The following HECW1 variants were observed in gnomAD, a reference collection of about 807,000 sequenced individuals.
HECW1 encodes E3 ubiquitin-protein ligase HECW1.
Under a neutral mutation model 182.3 loss-of-function variants are expected in HECW1, and 61 were observed. The ratio of observed to expected loss-of-function variants is 0.33; its 90% CI spans 0.27 to 0.41. The LOEUF (loss-of-function observed/expected upper bound fraction) is 0.41, where lower values mean the gene tolerates loss of function less well. HECW1 is among the 10% of genes least tolerant of loss of function. The pLI, the probability that HECW1 is intolerant of heterozygous loss-of-function variation, is 1.00. For synonymous variants in HECW1, 859 were observed against 832.6 expected, an observed-to-expected ratio of 1.03 and a Z score of -0.55; for missense variants, 1,739 against 2,108.9, an observed-to-expected ratio of 0.82 and a Z score of 3.44.
At chr7:43,192,359 A>G (rs541317029) in intron 2 of HECW1, among the ~76,000 whole-genome samples, 4 of 152,256 alleles carry the variant, frequency 2.6e-5, no homozygotes, top group Non-Finnish European at 5.9e-5. Context: ...CCTGGCATAA[A>G]GAAAAGATAA....
chr7:43,120,909 C>T (rs888114001), intron 2 of HECW1, among the ~76,000 whole-genome samples: 1 of 152,072 alleles, frequency 6.6e-6, no homozygotes, highest in African/African-American at 2.4e-5. Flanking sequence ...GATCTGTAAT[C>T]CCAAAGTGCT....
chr7:43,320,475 G>A (rs568145262), intron 4 of HECW1, among the ~76,000 whole-genome samples, 160 bp from the exon 5 acceptor site: 6 of 152,322 alleles, frequency 3.9e-5, no homozygotes, highest in Non-Finnish European at 8.8e-5. Context: ...TCCCAATGGC[G>A]TCTTGGGGTG....
intron 17 of HECW1, among the ~76,000 whole-genome samples, chr7:43,484,980 A>G (rs751896660): frequency 6.6e-6 from 1 of 152,324 alleles, no homozygotes. Flanking sequence ...TTACACTGCA[A>G]TTCCTAATAT....
chr7:43,170,360 C>A (rs73314742), intron 2 of HECW1, among the ~76,000 whole-genome samples: 133 of 152,118 alleles, frequency 8.7e-4, no homozygotes, highest in African/African-American at 3.1e-3. Flanking sequence ...CATCCTCCCC[C>A]ACCCCTGTCT....
At position 43,450,824 on chromosome 7, in the gene HECW1, G is replaced by A. The variant is rs775738815; in HGVS notation, c.2399-4G>A. 87 of 1,580,778 alleles carry A rather than the reference G, an allele frequency of 5.5e-5. No homozygotes were observed. The highest frequency in any genetic ancestry group is 1.2e-4 in the Admixed American group (7 of 59,948). ...TCTGAATGTATTGACTATCTTGTCC[G>A]TAGGTGAATGTCCTATACTCCATAA... On this transcript the variant is annotated splice_polypyrimidine_tract_variant and splice_region_variant and intron_variant, in intron 11 of 29. Transcript: ENST00000395891.
In HECW1 at chr7:43,562,647, C is replaced by G; in HGVS notation, c.*721C>G. On this transcript the variant is annotated 3_prime_UTR_variant, in exon 30 of 30. Coordinates refer to ENST00000395891, the MANE Select transcript of HECW1 (RefSeq NM_015052.5). The stretch of plus-strand genomic sequence containing the variant: ...ATGGTTGTGGGGATTGTGGGCTCAA[C>G]TCAAGAGAAGTTTAGGAGGGGGAGC... 4.4e-6 allele frequency: 1 copy of G among 226,608 alleles called. No homozygotes were observed. Among genetic ancestry groups the G allele is most frequent in the Non-Finnish European group, 8.8e-6 (1 of 113,584 alleles). The allele number at this position is 226,608 out of a possible 1,614,324, so 14.0% of individuals were successfully genotyped here.
intron 12 of HECW1, among the ~76,000 whole-genome samples, chr7:43,455,304 A>G (rs2077365114): frequency 6.6e-6 from 1 of 152,202 alleles, no homozygotes; most frequent in Non-Finnish European, 1.5e-5. Context: ...ACTGTTAATT[A>G]ACAACTTATC....
chr7:43,202,565 C>T (rs143293831), intron 2 of HECW1, among the ~76,000 whole-genome samples: 245 of 151,830 alleles, frequency 1.6e-3, no homozygotes, highest in African/African-American at 5.6e-3. Context: ...CCACTGCCTC[C>T]CGGGTTCAAG....
chr7:43,463,905 T>C, intron 14 of HECW1, 106 bp downstream of exon 14: 2 of 1,292,006 alleles, frequency 1.5e-6, no homozygotes, highest in Non-Finnish European at 2.2e-6. Flanking sequence ...TGCCCCAGGG[T>C]GAAGAGAGTG....
chr7:43,164,123 A>T (rs1373990479), intron 2 of HECW1, among the ~76,000 whole-genome samples: 1 of 152,036 alleles, frequency 6.6e-6, no homozygotes, highest in Non-Finnish European at 1.5e-5. Context: ...ACATGGGGGA[A>T]GTCAAAGAGC....
rs748761393 is a variant in HECW1 at position 43,561,824 on chromosome 7, A to G, written c.4719A>G (p.Thr1573=). Residue 1573 remains threonine, a synonymous_variant, in exon 30 of 30, where the codon ACA becomes ACG. Coordinates refer to ENST00000395891, the MANE Select transcript of HECW1 (RefSeq NM_015052.5). The part of the protein sequence containing the change: ...GKITSLPRAH[T]CFNRLDLPPY... The stretch of plus-strand genomic sequence containing the variant: ...TCTTCTCCCCATTCAGGGCACACAC[A>G]TGCTTCAACCGACTGGATCTTCCAC... The G allele has an allele frequency of 3.7e-6, 6 of 1,611,786 alleles. No individual in the cohort carries two copies. The highest frequency in any genetic ancestry group is 5.1e-6 in the Non-Finnish European group (6 of 1,177,928).
intron 3 of HECW1, among the ~76,000 whole-genome samples, chr7:43,280,955 G>A (rs1198872299): frequency 1.3e-5 from 2 of 152,104 alleles, no homozygotes; most frequent in Non-Finnish European, 2.9e-5. Flanking sequence ...ATGCATTCCC[G>A]ACACAGTATT....
At chr7:43,132,897 C>A (rs1766775331) in intron 2 of HECW1, among the ~76,000 whole-genome samples, 1 of 151,990 alleles carries the variant, frequency 6.6e-6, no homozygotes, top group South Asian at 2.1e-4. Context: ...AAGAAGAGTT[C>A]TATTTAGTTC....
chr7:43,412,911 C>A (rs2075859094), intron 8 of HECW1, among the ~76,000 whole-genome samples: 1 of 148,178 alleles, frequency 6.7e-6, no homozygotes, highest in Non-Finnish European at 1.5e-5. Context: ...CCGCAATAAA[C>A]ATACGTGTGC....
At chr7:43,380,619 C>A (rs754823479) in intron 6 of HECW1, among the ~76,000 whole-genome samples, 2 of 152,110 alleles carry the variant, frequency 1.3e-5, no homozygotes, top group African/African-American at 2.4e-5. Flanking sequence ...CCTCCATCTC[C>A]TGGGTTCAAG....
chr7:43,543,254 C>A (rs1414989549), intron 26 of HECW1, among the ~76,000 whole-genome samples: 1 of 152,116 alleles, frequency 6.6e-6, no homozygotes, highest in Non-Finnish European at 1.5e-5. Context: ...TTTAGAGGTG[C>A]CTCACATCAA....
At position 43,565,514 on chromosome 7, in the gene HECW1, T is replaced by C. The variant is rs2152968443; in HGVS notation, c.*3588T>C. ...TATTTTCCCAGTCAAGATGAAACACTTTCAAATGAAAGTAGTTAGAACTTT... is the reference window on the plus strand; with the variant it reads ...TATTTTCCCAGTCAAGATGAAACACCTTCAAATGAAAGTAGTTAGAACTTT... On this transcript the variant is annotated 3_prime_UTR_variant, in exon 30 of 30. Transcript: ENST00000395891. 2 of 182,586 alleles carry C rather than the reference T, an allele frequency of 1.1e-5. No individual in the cohort carries two copies. The highest frequency in any genetic ancestry group is 1.2e-5 in the Non-Finnish European group (1 of 85,952). 11.3% of individuals were successfully genotyped at this position (182,586 alleles called of 1,614,324 possible).
At chr7:43,251,802 ATTAGCTGAAGCGCATGTTAT>A (rs1800060622) in intron 3 of HECW1, among the ~76,000 whole-genome samples, 1 of 152,190 alleles carries the variant, frequency 6.6e-6, no homozygotes, top group African/African-American at 2.4e-5. Context: ...CCCAAATGGA[ATTAGCTGAAGCGCATGTTAT>A]TTTGCTCCAG....
chr7:43,438,259 T>TA (rs2076772146), intron 9 of HECW1, 114 bp downstream of exon 9: 14 of 847,812 alleles, frequency 1.7e-5, no homozygotes, highest in Non-Finnish European at 2.5e-5. Flanking sequence ...ATGGTATCAT[T>TA]ATATTTCCTT....
Sources: allele counts gnomAD v4.1 joint callset (sites outside exome capture counted in the v4.1 genomes callset), GRCh38; gene constraint gnomAD v4.1.1; transcripts MANE v1.5; gene names NCBI Gene and HGNC (gene_info 2026-07-23, HGNC 2026-07-21).